Variants in KLHL28 observed in about 807,000 individuals in gnomAD.
KLHL28 encodes the protein kelch like family member 28.
KLHL28 carries 22 observed loss-of-function variants against 48.3 expected under a neutral mutation model. The ratio of observed to expected loss-of-function variants is 0.46; its 90% CI spans 0.33 to 0.65. KLHL28 has a LOEUF of 0.65. Ranked by LOEUF, KLHL28 falls within the 30% of genes least tolerant of loss-of-function variation. The pLI, the probability that KLHL28 is intolerant of heterozygous loss-of-function variation, is 0.03. For synonymous variants in KLHL28, 243 were observed against 242.4 expected, an observed-to-expected ratio of 1.00 and a Z score of -0.02; for missense variants, 527 against 704.3, an observed-to-expected ratio of 0.75 and a Z score of 2.85.
At chr14:44,959,013 TTG>T (rs1441895430) in intron 1 of KLHL28, among the ~76,000 whole-genome samples, 2 of 151,708 alleles carry the variant, frequency 1.3e-5, no homozygotes, top group Admixed American at 1.3e-4. Context: ...TAAAAATATT[TTG>T]AATAGAAATC....
intron 2 of KLHL28, among the ~76,000 whole-genome samples, chr14:44,936,320 T>C (rs546190491): frequency 2.0e-5 from 3 of 152,120 alleles, no homozygotes; most frequent in African/African-American, 4.8e-5. Flanking sequence ...ATGATACATA[T>C]AGTACAGAGG....
At chr14:44,958,398 A>T (rs577273476) in intron 1 of KLHL28, among the ~76,000 whole-genome samples, 1 of 152,200 alleles carries the variant, frequency 6.6e-6, no homozygotes, top group Non-Finnish European at 1.5e-5. Context: ...ACTCTTAAAA[A>T]AAAAATTCAA....
rs1366139662 is a variant in KLHL28 at position 44,931,498 on chromosome 14, C to G, written c.1387G>C (p.Ala463Pro). 8 of 1,613,878 alleles carry G rather than the reference C, an allele frequency of 5.0e-6. No individual in the cohort carries two copies. In the African/African-American group the frequency reaches 9.3e-5, roughly 19 times the overall value. ...TGAATCCTTTTATCTGCCATGGATG[C>G]AACCATCTCCCAGGAGTCCTTACTT... ...DPSKDSWEMV[A>P]SMADKRIHFG... Residue 463 changes from alanine to proline, a missense_variant, in exon 4 of 5, where the codon GCA (alanine) becomes CCA (proline). Coordinates refer to ENST00000396128, the MANE Select transcript of KLHL28 (RefSeq NM_017658.5).
intron 1 of KLHL28, among the ~76,000 whole-genome samples, chr14:44,955,311 G>GA (rs963385858): frequency 6.6e-6 from 1 of 151,554 alleles, no homozygotes; most frequent in Non-Finnish European, 1.5e-5. Flanking sequence ...TTATTTTAAG[G>GA]AAAAAAATAA....
At chr14:44,953,393 A>T (rs567709921) in intron 1 of KLHL28, among the ~76,000 whole-genome samples, 1 of 152,236 alleles carries the variant, frequency 6.6e-6, no homozygotes, top group Non-Finnish European at 1.5e-5. Context: ...TTAGTCCCCA[A>T]TGCGGTAGTA....
chr14:44,956,820 TTG>T (rs1884812465), intron 1 of KLHL28, among the ~76,000 whole-genome samples: 3 of 152,242 alleles, frequency 2.0e-5, no homozygotes, highest in Admixed American at 2.0e-4. Flanking sequence ...GGTATTGTGG[TTG>T]TGTTTTTAAG....
At chr14:44,934,662 A>C (rs935199016) in intron 2 of KLHL28, 104 bp from the exon 3 acceptor site, 5 of 856,294 alleles carry the variant, frequency 5.8e-6, no homozygotes, top group Non-Finnish European at 8.7e-6. Flanking sequence ...AATTAAAAGC[A>C]CAATAAACCA....
chr14:44,929,107 T>G lies in KLHL28; in HGVS notation c.1637A>C (p.Tyr546Ser), dbSNP rs1216068384. ...GSSYLNTVQK[Y>S]DPISDTWLDS... ...CAGCCACGTATCTGAGATAGGATCA[T>G]ATTTCTGCACTGTATTCAGATAGGA... is the stretch of plus-strand genomic sequence containing the variant. Residue 546 changes from tyrosine to serine, a missense_variant, in exon 5 of 5, where the codon TAT becomes TCT. Transcript: ENST00000396128. 1 of 1,614,056 alleles carries G rather than the reference T, an allele frequency of 6.2e-7. No homozygotes were observed. The highest frequency in any genetic ancestry group is 2.2e-5 in the East Asian group (1 of 44,870).
At chr14:44,931,579 T>C (rs1480760694) in intron 3 of KLHL28, 38 bp from the exon 4 acceptor site, 1 of 1,504,916 alleles carries the variant, frequency 6.6e-7, no homozygotes, top group Non-Finnish European at 9.2e-7. Context: ...TACAGATCTT[T>C]TGTGTCATTC....
At chr14:44,955,718 C>A (rs544020965) in intron 1 of KLHL28, among the ~76,000 whole-genome samples, 2 of 152,076 alleles carry the variant, frequency 1.3e-5, no homozygotes, top group Admixed American at 1.3e-4. Flanking sequence ...CCCAGGAGGT[C>A]GAGGCTGCAG....
intron 2 of KLHL28, 109 bp downstream of exon 2, chr14:44,944,921 A>T: frequency 1.2e-6 from 1 of 846,384 alleles, no homozygotes; most frequent in Non-Finnish European, 1.8e-6. Context: ...AAAAGAAGCA[A>T]AGAAAAGTAA....
At chr14:44,938,101 C>A (rs1485472556) in intron 2 of KLHL28, among the ~76,000 whole-genome samples, 1 of 152,140 alleles carries the variant, frequency 6.6e-6, no homozygotes, top group Non-Finnish European at 1.5e-5. Flanking sequence ...ATCCCAATAG[C>A]CCCAAAAGTC....
At chr14:44,936,925 C>CCCTGA (rs1396374514) in intron 2 of KLHL28, among the ~76,000 whole-genome samples, 2 of 152,070 alleles carry the variant, frequency 1.3e-5, no homozygotes, top group Non-Finnish European at 2.9e-5. Flanking sequence ...GACAAAGACT[C>CCCTGA]ATTGGAGGGT....
intron 1 of KLHL28, among the ~76,000 whole-genome samples, chr14:44,948,442 A>G (rs1037963671): frequency 6.6e-6 from 1 of 152,160 alleles, no homozygotes; most frequent in Non-Finnish European, 1.5e-5. Flanking sequence ...CTTAAATTAT[A>G]TTATTAGGTG....
intron 4 of KLHL28, among the ~76,000 whole-genome samples, chr14:44,930,206 T>C (rs979627421): frequency 6.6e-5 from 10 of 152,350 alleles, no homozygotes; most frequent in Admixed American, 4.6e-4. Flanking sequence ...TTCTCTTGCA[T>C]GTTTGTTTCA....
Position 44,929,154 on chromosome 14 carries a change from G to A in KLHL28, c.1590C>T (p.Val530=), listed in dbSNP as rs759182642. ...GAAVIDNYLY[V]VGGHSGSSYL... is the part of the protein sequence containing the mutation. Reference sequence around the variant, plus strand: ...AGGAAGACCCTGAGTGACCACCGACGACATAAAGGTAGTTATCGATTACAG... The same window carrying A: ...AGGAAGACCCTGAGTGACCACCGACAACATAAAGGTAGTTATCGATTACAG... The change falls in exon 5 of 5, where the codon GTC becomes GTT. Residue 530 remains valine, a synonymous_variant. Transcript: ENST00000396128. 15 of 1,612,092 alleles carry A rather than the reference G, an allele frequency of 9.3e-6. No homozygotes were observed. The highest frequency in any genetic ancestry group is 5.0e-5 in the Admixed American group (3 of 59,864).
At position 44,945,173 on chromosome 14, in the gene KLHL28, A is replaced by G. The variant is rs754899514; in HGVS notation, c.756T>C (p.His252=). The change falls in exon 2 of 5, where the codon CAT becomes CAC. Residue 252 remains histidine, a synonymous_variant. Transcript: ENST00000396128. ...HLIRDDRTCK[H]LLNEALKYHF... ...GGTACTTTAGGGCTTCATTCAAAAG[A>G]TGTTTACAAGTGCGATCATCACGAA... 1 of 1,614,162 alleles carries G rather than the reference A, an allele frequency of 6.2e-7. No homozygotes were observed.
intron 1 of KLHL28, among the ~76,000 whole-genome samples, chr14:44,958,870 A>T (rs1333483481): frequency 1.3e-5 from 2 of 152,122 alleles, no homozygotes; most frequent in African/African-American, 4.8e-5. Flanking sequence ...ACAGAAATAC[A>T]TAATGGCTTT....
chr14:44,960,168 G>A (rs1270910017), intron 1 of KLHL28, among the ~76,000 whole-genome samples: 1 of 152,146 alleles, frequency 6.6e-6, no homozygotes, highest in African/African-American at 2.4e-5. Context: ...AGAATCAAAA[G>A]GAAGACTCAT....
Sources: gnomAD v4.1 joint callset for allele counts (sites outside exome capture counted in the v4.1 genomes callset) on GRCh38, gnomAD v4.1.1 for gene constraint, MANE v1.5 for transcripts, NCBI Gene and HGNC (gene_info 2026-07-23, HGNC 2026-07-21) for gene names.